PTPRR: variants seen among roughly 807,000 people sequenced by gnomAD.
The protein encoded by PTPRR is protein tyrosine phosphatase receptor type R.
In PTPRR, 38 loss-of-function variants were observed where a neutral mutation model predicts 77.2. The ratio of observed to expected loss-of-function variants is 0.49; its 90% CI spans 0.38 to 0.65. The LOEUF is 0.65. Among genes scored for constraint, PTPRR ranks in the 30% least tolerant of loss-of-function variants. PTPRR has a pLI of 0.00. For synonymous variants in PTPRR, 299 were observed against 283.1 expected (o/e 1.06, Z -0.57); for missense variants, 744 against 799.2 (o/e 0.93, Z 0.83).
intron 2 of PTPRR, among the ~76,000 whole-genome samples, chr12:70,838,429 T>G (rs1045651059): frequency 6.6e-6 from 1 of 152,188 alleles, no homozygotes. Flanking sequence ...TGTCATTCTT[T>G]CCTAATGCAT....
chr12:70,853,939 T>C (rs914239920), intron 2 of PTPRR, among the ~76,000 whole-genome samples: 6 of 152,232 alleles, frequency 3.9e-5, no homozygotes, highest in Admixed American at 1.3e-4. Context: ...AGGTCGTAGA[T>C]GTGTGTTTGT....
At chr12:70,652,428 T>A in intron 13 of PTPRR, among the ~76,000 whole-genome samples, 1 of 152,144 alleles carries the variant, frequency 6.6e-6, no homozygotes, top group East Asian at 1.9e-4. Context: ...CATATGTTGA[T>A]CCTGTGAAGG....
At chr12:70,766,733 A>C (rs11178406) in intron 2 of PTPRR, among the ~76,000 whole-genome samples, 5 of 150,620 alleles carry the variant, frequency 3.3e-5, no homozygotes, top group African/African-American at 1.2e-4. Context: ...AAAGTTGAAA[A>C]GAAGGAAAAA....
rs550226160 is a variant in PTPRR, at chr12:70,800,734, A to G, written c.358-35956T>C. Among the ~76,000 whole-genome samples, 3 of 152,150 alleles carry G rather than the reference A, an allele frequency of 2.0e-5. No homozygotes were observed. The South Asian group carries it at 6.2e-4, about 32-fold the overall frequency. On this transcript the variant is annotated intron_variant, in intron 2 of 13. Coordinates refer to ENST00000283228, the MANE Select transcript of PTPRR (RefSeq NM_002849.4). ...ACATGGTGAAACCCCATCTCCACTA[A>G]AAATACAAAAATTAGCTGGGTGTGG...
intron 2 of PTPRR, among the ~76,000 whole-genome samples, chr12:70,775,699 A>G (rs373093733): frequency 3.3e-5 from 5 of 152,132 alleles, no homozygotes; most frequent in Admixed American, 6.5e-5. Flanking sequence ...TCAATTCCCA[A>G]CAGCCACAAA....
At chr12:70,749,707 C>G (rs926360065) in intron 5 of PTPRR, among the ~76,000 whole-genome samples, 6 of 152,010 alleles carry the variant, frequency 3.9e-5, no homozygotes, top group African/African-American at 1.2e-4. Flanking sequence ...GGCTACCAGA[C>G]TACAACTAGA....
chr12:70,837,727 T>C (rs536447585), intron 2 of PTPRR, among the ~76,000 whole-genome samples: 4 of 152,038 alleles, frequency 2.6e-5, no homozygotes, highest in Non-Finnish European at 5.9e-5. Context: ...GGAGGCTTCA[T>C]TACAAAGGCA....
chr12:70,800,405 C>T (rs1051005036), intron 2 of PTPRR, among the ~76,000 whole-genome samples: 2 of 151,796 alleles, frequency 1.3e-5, no homozygotes, highest in Admixed American at 1.3e-4. Context: ...AAGGATGGGG[C>T]TAAGAGGAGC....
intron 2 of PTPRR, among the ~76,000 whole-genome samples, chr12:70,840,618 C>CAG (rs1892380102): frequency 6.6e-6 from 1 of 152,030 alleles, no homozygotes; most frequent in South Asian, 2.1e-4. Flanking sequence ...CAGCACAGGG[C>CAG]AGAGGTTTAA....
chr12:70,843,013 T>A (rs1892422548), intron 2 of PTPRR, among the ~76,000 whole-genome samples: 1 of 152,168 alleles, frequency 6.6e-6, no homozygotes, highest in Non-Finnish European at 1.5e-5. Flanking sequence ...CTAATCAAGT[T>A]TGGAAAAGTA....
intron 5 of PTPRR, among the ~76,000 whole-genome samples, chr12:70,748,129 T>C (rs1269638337): frequency 6.6e-6 from 1 of 152,162 alleles, no homozygotes. Context: ...ATGTCAGTAG[T>C]GTTGTTTGTA....
At chr12:70,765,975 A>T (rs1167715893) in intron 2 of PTPRR, among the ~76,000 whole-genome samples, 2 of 152,218 alleles carry the variant, frequency 1.3e-5, no homozygotes, top group Non-Finnish European at 2.9e-5. Context: ...AAGGAAAACT[A>T]ACAAACAGAA....
chr12:70,739,087 A>G (rs1889965138), intron 6 of PTPRR, among the ~76,000 whole-genome samples: 1 of 152,238 alleles, frequency 6.6e-6, no homozygotes, highest in Non-Finnish European at 1.5e-5. Context: ...TAGGATGAAC[A>G]AAACTATGTT....
At chr12:70,854,182 A>G (rs1892616123) in intron 2 of PTPRR, among the ~76,000 whole-genome samples, 2 of 152,200 alleles carry the variant, frequency 1.3e-5, no homozygotes, top group Non-Finnish European at 2.9e-5. Flanking sequence ...GACCACCAAC[A>G]GTCCCCTAGT....
chr12:70,882,003 C>A (rs1461699413), intron 2 of PTPRR, among the ~76,000 whole-genome samples: 1 of 152,144 alleles, frequency 6.6e-6, no homozygotes, highest in East Asian at 1.9e-4. Context: ...GTGACACAGC[C>A]TTTGCGTTAC....
intron 6 of PTPRR, among the ~76,000 whole-genome samples, chr12:70,745,440 G>T (rs1330947576): frequency 6.6e-6 from 1 of 152,206 alleles, no homozygotes; most frequent in African/African-American, 2.4e-5. Flanking sequence ...GACAACGTGG[G>T]CTTTTGCAGG....
At chr12:70,653,249 G>C (rs1157335746) in intron 13 of PTPRR, among the ~76,000 whole-genome samples, 1 of 152,148 alleles carries the variant, frequency 6.6e-6, no homozygotes, top group African/African-American at 2.4e-5. Context: ...CAGAGTTAGG[G>C]CCCCTTTCCT....
At chr12:70,659,044 A>G (rs1886697727) in intron 12 of PTPRR, among the ~76,000 whole-genome samples, 1 of 151,736 alleles carries the variant, frequency 6.6e-6, no homozygotes, top group Non-Finnish European at 1.5e-5. Flanking sequence ...CTAGGAGTAC[A>G]GGCACATTCC....
chr12:70,748,094 C>T (rs1048033076), intron 5 of PTPRR, among the ~76,000 whole-genome samples: 2 of 152,074 alleles, frequency 1.3e-5, no homozygotes, highest in Non-Finnish European at 2.9e-5. Flanking sequence ...CACACACCCC[C>T]GCCAACAGAA....
Sources: gnomAD v4.1 joint callset for allele counts (sites outside exome capture counted in the v4.1 genomes callset) on GRCh38, gnomAD v4.1.1 for gene constraint, MANE v1.5 for transcripts, NCBI Gene and HGNC (gene_info 2026-07-23, HGNC 2026-07-21) for gene names.